The following MTMR14 variants were observed in gnomAD, a reference collection of about 807,000 sequenced individuals.
The protein encoded by MTMR14 is phosphatidylinositol-3,5-bisphosphate 3-phosphatase MTMR14.
Under a neutral mutation model 86.3 loss-of-function variants are expected in MTMR14, and 48 were observed. The observed-to-expected ratio is 0.56, with a 90% CI of 0.44 to 0.71. The LOEUF (loss-of-function observed/expected upper bound fraction) is 0.71. MTMR14 is among the 30% of genes least tolerant of loss of function. MTMR14 has a pLI of 0.00. For missense variants in MTMR14, 780 were observed against 834.6 expected, an observed-to-expected ratio of 0.93 and a Z score of 0.81; for synonymous variants, 366 against 326.1, an observed-to-expected ratio of 1.12 and a Z score of -1.32.
Position 9,701,879 on chromosome 3 carries a change from C to T in MTMR14, c.1859C>T (p.Ala620Val). The T allele has an allele frequency of 1.9e-6, 3 of 1,614,092 alleles. No homozygotes were observed. The highest frequency in any genetic ancestry group is 2.2e-5 in the East Asian group (1 of 44,890). ...TACAGCAGCACAGTGGGGCTTCGGG[C>T]AGTAGCCCCCAGTCCTTCCGGTGCC... is the stretch of plus-strand genomic sequence containing the variant. ...AAYSSTVGLRAVAPSPSGAIG... is the reference protein window; with the variant it reads ...AAYSSTVGLRVVAPSPSGAIG... Residue 620 changes from alanine (A) to valine (V), a missense_variant, in exon 19 of 19, where the codon GCA becomes GTA. Transcript: ENST00000296003. The surrounding 1 kb of genome is among the most constrained non-coding windows in gnomAD (Gnocchi z 4.2).
At chr3:9,688,005 C>T (rs2076017871) in intron 14 of MTMR14, 114 bp downstream of exon 14, 13 of 897,688 alleles carry the variant, frequency 1.4e-5, no homozygotes, top group South Asian at 5.6e-5. Flanking sequence ...GCTTGTTGGG[C>T]TGGTGCTCCC....
intron 9 of MTMR14, 114 bp downstream of exon 9, chr3:9,678,172 A>C (rs2075645940): frequency 3.0e-6 from 3 of 984,884 alleles, no homozygotes; most frequent in Non-Finnish European, 4.6e-6. Context: ...TGGCTTGTGC[A>C]CTCAGATGCC....
At chr3:9,681,822 G>GA (rs2075778347) in intron 9 of MTMR14, among the ~76,000 whole-genome samples, 1 of 151,944 alleles carries the variant, frequency 6.6e-6, no homozygotes, top group Non-Finnish European at 1.5e-5. Context: ...GGCAGGGCTG[G>GA]ATTTATCCCT....
At chr3:9,678,569 C>A (rs1428865483) in intron 9 of MTMR14, among the ~76,000 whole-genome samples, 2 of 152,222 alleles carry the variant, frequency 1.3e-5, no homozygotes, top group Non-Finnish European at 2.9e-5. Context: ...GCTTTGCTTG[C>A]CACTTGCTTC....
At chr3:9,696,231 C>G (rs1400784802) in intron 17 of MTMR14, among the ~76,000 whole-genome samples, 1 of 152,250 alleles carries the variant, frequency 6.6e-6, no homozygotes, top group African/African-American at 2.4e-5. Flanking sequence ...GGCGCACTGG[C>G]TCACGCCTGT....
intron 9 of MTMR14, 148 bp downstream of exon 9, chr3:9,678,206 A>G (rs1231681222): frequency 1.1e-5 from 7 of 666,294 alleles, no homozygotes; most frequent in East Asian, 2.9e-5. Flanking sequence ...CCTCTCAGAA[A>G]GGAGGAATTG....
intron 17 of MTMR14, among the ~76,000 whole-genome samples, chr3:9,690,755 C>T (rs182295414): frequency 6.6e-6 from 1 of 152,342 alleles, no homozygotes; most frequent in African/African-American, 2.4e-5. Flanking sequence ...CATTTCCTAC[C>T]ACTTTCATAC....
intron 18 of MTMR14, among the ~76,000 whole-genome samples, chr3:9,698,292 T>A (rs2076345797): frequency 6.6e-6 from 1 of 152,274 alleles, no homozygotes; most frequent in African/African-American, 2.4e-5. Flanking sequence ...TAGGGTTACT[T>A]GCTGTCTCTA....
rs935097224 is a variant in MTMR14 at position 9,685,305 on chromosome 3, G to GTA, written c.1164+59_1164+60dup. 1.0e-5 allele frequency: 16 copies of GTA among 1,603,490 alleles called. No homozygotes were observed. The African/African-American group carries it at 2.1e-4, about 21-fold the overall frequency. On this transcript the variant is annotated intron_variant, in intron 13 of 18. Coordinates refer to ENST00000296003, the MANE Select transcript of MTMR14 (RefSeq NM_001077525.3). ...CTCAGCACTGAAAGAGGGGCAGTGG[G>GTA]TAGCCTGTCTGAGTTCCACGTGTTA...
intron 11 of MTMR14, 70 bp downstream of exon 11, chr3:9,684,740 G>A: frequency 1.3e-6 from 2 of 1,580,632 alleles, no homozygotes; most frequent in Admixed American, 1.7e-5. Flanking sequence ...GACAGAGGGT[G>A]GAGCAGGGGA....
intron 17 of MTMR14, 90 bp from the exon 18 acceptor site, chr3:9,697,621 G>A: frequency 1.4e-6 from 2 of 1,454,164 alleles, no homozygotes; most frequent in Non-Finnish European, 1.9e-6. Flanking sequence ...CTAGCAGCCA[G>A]GGCTGCGCTA....
At chr3:9,651,942 C>T (rs1331408624) in intron 1 of MTMR14, among the ~76,000 whole-genome samples, 1 of 152,096 alleles carries the variant, frequency 6.6e-6, no homozygotes, top group East Asian at 1.9e-4. Context: ...AGCGATTCTC[C>T]TGCTTCAGCC....
In MTMR14 at chr3:9,686,827, G is replaced by T. The variant is rs924302006; in HGVS notation, c.1165-994G>T. ...GGCCAGGCCTTTGGGAATCACCACA[G>T]AAATGGAAGCCTGGTGTGTGCTTCC... On this transcript the variant is annotated intron_variant, in intron 13 of 18. Coordinates refer to ENST00000296003, the MANE Select transcript of MTMR14 (RefSeq NM_001077525.3). Among the ~76,000 whole-genome samples the T allele has an allele frequency of 3.5e-4, 54 of 152,216 alleles. 1 individual carries two copies. The highest frequency in any genetic ancestry group is 3.5e-3 in the Admixed American group (54 of 15,290).
chr3:9,685,770 C>T (rs1018285226), intron 13 of MTMR14, among the ~76,000 whole-genome samples: 2 of 152,176 alleles, frequency 1.3e-5, no homozygotes, highest in Non-Finnish European at 2.9e-5. Context: ...CACTCTCTCC[C>T]CCATGCCTGT....
intron 17 of MTMR14, among the ~76,000 whole-genome samples, chr3:9,694,199 G>C (rs2076217291): frequency 6.6e-6 from 1 of 152,208 alleles, no homozygotes; most frequent in Non-Finnish European, 1.5e-5. Context: ...TTATCAGCAA[G>C]GGCTTTGGTC....
intron 9 of MTMR14, among the ~76,000 whole-genome samples, chr3:9,681,405 G>A (rs1168994752): frequency 6.6e-6 from 1 of 152,176 alleles, no homozygotes; most frequent in African/African-American, 2.4e-5. Context: ...AAGCCTTAGA[G>A]ATGCCAAAAC....
At position 9,701,685 on chromosome 3, in the gene MTMR14, A is replaced by G; in HGVS notation, c.1770-105A>G. On this transcript the variant is annotated intron_variant, in intron 18 of 18. Transcript: ENST00000296003. The surrounding 1 kb of genome is among the most constrained non-coding windows in gnomAD (Gnocchi z 4.2). Reference sequence around the variant, plus strand: ...CGTAGGACAGACACTGGCCTTGTACAGTCAGAAGAAGCACAAGGACAGGTG... The same window carrying G: ...CGTAGGACAGACACTGGCCTTGTACGGTCAGAAGAAGCACAAGGACAGGTG... The G allele has an allele frequency of 3.1e-6, 4 of 1,305,630 alleles. No homozygotes were observed. The South Asian group carries it at 4.8e-5, about 16-fold the overall frequency. The allele number at this position is 1,305,630 out of a possible 1,614,324, so 80.9% of individuals were successfully genotyped here. A position where few individuals can be genotyped will look rare whatever the true frequency, so the allele number is the denominator to read the frequency against.
At chr3:9,686,493 C>A (rs995495886) in intron 13 of MTMR14, among the ~76,000 whole-genome samples, 11 of 152,180 alleles carry the variant, frequency 7.2e-5, no homozygotes, top group South Asian at 4.1e-4. Flanking sequence ...GTTACCCCCC[C>A]CAGACAATCC....
At chr3:9,671,222 G>A (rs776039219) in intron 6 of MTMR14, 52 bp downstream of exon 6, 21 of 1,612,826 alleles carry the variant, frequency 1.3e-5, no homozygotes, top group Non-Finnish European at 1.8e-5. Flanking sequence ...GTACAGATTT[G>A]CAGGGCTGGC....
Sources: allele counts gnomAD v4.1 joint callset (sites outside exome capture counted in the v4.1 genomes callset), GRCh38; gene constraint gnomAD v4.1.1; non-coding constraint Gnocchi (gnomAD v3.1); transcripts MANE v1.5; gene names NCBI Gene and HGNC (gene_info 2026-07-23, HGNC 2026-07-21).